PARP1: variants seen among roughly 807,000 people sequenced by gnomAD.
PARP1 encodes poly(ADP-ribose) polymerase 1, also known as poly [ADP-ribose] polymerase 1.
In PARP1, 44 loss-of-function variants were observed where a neutral mutation model predicts 118.7. The observed-to-expected ratio is 0.37, with a 90% CI of 0.29 to 0.48. The LOEUF (loss-of-function observed/expected upper bound fraction) is 0.48, where lower values mean the gene tolerates loss of function less well. Among genes scored for constraint, PARP1 ranks in the 20% least tolerant of loss-of-function variants. The pLI, the probability that PARP1 is intolerant of heterozygous loss-of-function variation, is 0.99. For missense variants in PARP1, 1,100 were observed against 1,272.4 expected (o/e 0.86, Z 2.06); for synonymous variants, 492 against 483.2 (o/e 1.02, Z -0.24).
chr1:226,363,807 AGAAAAGAATCCTAATTGG>A (rs1664200044), intron 20 of PARP1, 118 bp downstream of exon 20: 1 of 916,244 alleles, frequency 1.1e-6, no homozygotes, highest in African/African-American at 1.6e-5. Context: ...GCTACTTATA[AGAAAAGAATCCTAATTGG>A]TGCGTCCAGT....
chr1:226,408,032 G>C lies in PARP1; in HGVS notation c.-103C>G. ...TGCGCTCACCCAGCCGCAGGCGCCT[G>C]AGCGGCCAGAGCCGCCACCGAACAC... is the stretch of plus-strand genomic sequence containing the variant. On this transcript the variant is annotated 5_prime_UTR_variant, in exon 1 of 23. Coordinates refer to ENST00000366794, the MANE Select transcript of PARP1 (RefSeq NM_001618.4). 3 of 1,532,926 alleles carry C rather than the reference G, an allele frequency of 2.0e-6. No homozygotes were observed. In the South Asian group the frequency reaches 3.4e-5, roughly 17 times the overall value. 95.0% of individuals were successfully genotyped at this position (1,532,926 alleles called of 1,614,324 possible).
chr1:226,367,531 G>A lies in PARP1; in HGVS notation c.2355C>T (p.Ser785=). Residue 785 remains serine (S), a synonymous_variant, in exon 17 of 23, where the codon AGC becomes AGT. Coordinates refer to ENST00000366794, the MANE Select transcript of PARP1 (RefSeq NM_001618.4). ...AGTTGACATCGATGGGATCCTTGCT[G>A]CTATCATCAGACCCTCCCCTGAGCA... ...YSLLRGGSDD[S]SKDPIDVNYE... 2 of 1,614,104 alleles carry A rather than the reference G, an allele frequency of 1.2e-6. No individual in the cohort carries two copies. Among genetic ancestry groups the A allele is most frequent in the Non-Finnish European group, 1.7e-6 (2 of 1,179,990 alleles).
intron 13 of PARP1, 41 bp downstream of exon 13, chr1:226,377,067 T>C: frequency 6.4e-7 from 1 of 1,556,052 alleles, no homozygotes. Flanking sequence ...TGTCCCTTCC[T>C]TTTCCTAGAA....
Position 226,377,167 on chromosome 1 carries a change from A to G in PARP1, c.1882T>C (p.Ser628Pro). The change falls in exon 13 of 23, where the codon TCC (serine) becomes CCC (proline). Residue 628 changes from serine (S) to proline (P), a missense_variant. By Grantham distance (74) the Ser-to-Pro change is moderately conservative (BLOSUM62 -1). Around this residue, in one of 2 missense-constraint regions of PARP1, gnomAD observed 948 missense variants for 1,031.8 expected, o/e 0.92. Coordinates refer to ENST00000366794, the MANE Select transcript of PARP1 (RefSeq NM_001618.4). ...TTGGGATACTTCGTGAAATTTTTGG[A>G]GTGCCAAGCGTTCCCGGTTTTTTCT... Reference protein sequence around the residue: ...YEEKTGNAWHSKNFTKYPKKF... With the variant: ...YEEKTGNAWHPKNFTKYPKKF... 1 of 1,614,078 alleles carries G rather than the reference A, an allele frequency of 6.2e-7. No individual in the cohort carries two copies. Among genetic ancestry groups the G allele is most frequent in the Non-Finnish European group, 8.5e-7 (1 of 1,180,016 alleles).
At chr1:226,391,112 C>A (rs929715035) in intron 3 of PARP1, among the ~76,000 whole-genome samples, 3 of 151,424 alleles carry the variant, frequency 2.0e-5, no homozygotes, top group Admixed American at 2.0e-4. Flanking sequence ...AGTGACCCTC[C>A]TACCTCGGCC....
At chr1:226,395,633 ACT>A (rs910791002) in intron 2 of PARP1, among the ~76,000 whole-genome samples, 6 of 152,064 alleles carry the variant, frequency 3.9e-5, no homozygotes, top group African/African-American at 9.7e-5. Flanking sequence ...CAAGAGTGAG[ACT>A]CTGTCTCAAA....
At position 226,387,291 on chromosome 1, in the gene PARP1, C is replaced by A. The variant is rs185354295; in HGVS notation, c.718-849G>T. On this transcript the variant is annotated intron_variant, in intron 5 of 22. Coordinates refer to ENST00000366794, the MANE Select transcript of PARP1 (RefSeq NM_001618.4). ...CAAGCCACTGCACCCGGCCTCATCT[C>A]ATTTATTCTCATAACAATCAAGCTT... 2.3e-3 allele frequency among the ~76,000 whole-genome samples: 343 copies of A among 152,272 alleles called. 1 individual carries two copies. The highest frequency in any genetic ancestry group is 7.8e-3 in the African/African-American group (325 of 41,558).
chr1:226,394,234 G>A (rs2102743026), intron 2 of PARP1, among the ~76,000 whole-genome samples: 2 of 152,308 alleles, frequency 1.3e-5, no homozygotes, highest in South Asian at 4.2e-4. Context: ...GCGCACGCCT[G>A]TACTCCTAGC....
chr1:226,401,868 G>A (rs1449361941), intron 2 of PARP1: 4 of 812,314 alleles, frequency 4.9e-6, no homozygotes, highest in Non-Finnish European at 3.7e-6. Context: ...CTACTCTGGT[G>A]GGAGGTGTTG....
intron 1 of PARP1, among the ~76,000 whole-genome samples, chr1:226,402,799 A>G (rs1323258331): frequency 6.6e-6 from 1 of 152,270 alleles, no homozygotes; most frequent in East Asian, 1.9e-4. Context: ...GAATGGCCAG[A>G]CAACTGCTCC....
chr1:226,384,795 C>T (rs1476329452), intron 7 of PARP1, among the ~76,000 whole-genome samples: 1 of 148,896 alleles, frequency 6.7e-6, no homozygotes, highest in African/African-American at 2.5e-5. Flanking sequence ...CGAGTAATGT[C>T]GATAGTTACT....
At chr1:226,403,399 C>T (rs899617780) in intron 1 of PARP1, among the ~76,000 whole-genome samples, 3 of 152,204 alleles carry the variant, frequency 2.0e-5, no homozygotes, top group African/African-American at 4.8e-5. Context: ...AGGCTGGTCT[C>T]GAACTTCTGA....
At chr1:226,368,730 G>C (rs1208579547) in intron 15 of PARP1, among the ~76,000 whole-genome samples, 1 of 152,090 alleles carries the variant, frequency 6.6e-6, no homozygotes, top group South Asian at 2.1e-4. Context: ...GTTGCCCATC[G>C]CTATAAAATT....
chr1:226,374,295 C>T lies in PARP1; in HGVS notation c.2001G>A (p.Lys667=). The change falls in exon 14 of 23, where the codon AAG becomes AAA. Residue 667 remains lysine (K), a synonymous_variant. Coordinates refer to ENST00000366794, the MANE Select transcript of PARP1 (RefSeq NM_001618.4). ...TCATCTTGATGAGGTCCTGAACTGG[C>T]TTGGGGAGCTTGGACTTGGTGCCAG... ...VNPGTKSKLP[K]PVQDLIKMIF... The T allele has an allele frequency of 6.2e-7, 1 of 1,614,188 alleles. No individual in the cohort carries two copies.
At chr1:226,398,379 A>G (rs1664965296) in intron 2 of PARP1, among the ~76,000 whole-genome samples, 2 of 152,116 alleles carry the variant, frequency 1.3e-5, no homozygotes, top group East Asian at 3.9e-4. Flanking sequence ...TGTCTCTACA[A>G]AAAATTTAAA....
At chr1:226,401,847 T>C (rs1426287102) in intron 2 of PARP1, 1 of 701,370 alleles carries the variant, frequency 1.4e-6, no homozygotes, top group Non-Finnish European at 2.2e-6. Context: ...TCCTCAATTA[T>C]AACAAATGTA....
intron 17 of PARP1, chr1:226,367,105 C>G: frequency 3.2e-6 from 1 of 311,414 alleles, no homozygotes; most frequent in Admixed American, 4.5e-5. Flanking sequence ...GGTAATAAGT[C>G]TTCTAAAAGT....
At chr1:226,370,145 G>GACCCC (rs1360017654) in intron 15 of PARP1, among the ~76,000 whole-genome samples, 3 of 152,114 alleles carry the variant, frequency 2.0e-5, no homozygotes, top group Non-Finnish European at 4.4e-5. Flanking sequence ...ACAGAGGGAT[G>GACCCC]ACTTCACTTT....
intron 1 of PARP1, among the ~76,000 whole-genome samples, chr1:226,407,292 G>C (rs12041725): frequency 6.6e-6 from 1 of 151,794 alleles, no homozygotes; most frequent in East Asian, 1.9e-4. Flanking sequence ...ACACCTTTCT[G>C]CATAGTTCTG....
Sources: gnomAD v4.1 joint callset for allele counts (sites outside exome capture counted in the v4.1 genomes callset) on GRCh38, gnomAD v4.1.1 for gene constraint, gnomAD v4.1.1 regional missense constraint, MANE v1.5 for transcripts, NCBI Gene and HGNC (gene_info 2026-07-23, HGNC 2026-07-21) for gene names.